TSPEAR: variants seen among roughly 807,000 people sequenced by gnomAD.
TSPEAR encodes thrombospondin-type laminin G domain and EAR repeat-containing protein.
TSPEAR carries 69 observed loss-of-function variants against 71.6 expected under a neutral mutation model. The ratio of observed to expected loss-of-function variants is 0.96; its 90% CI spans 0.79 to 1.18. The LOEUF is 1.18. TSPEAR is among the 50% of genes most tolerant of loss of function. The pLI is 0.00. For missense variants in TSPEAR, 971 were observed against 894.9 expected (o/e 1.09, Z -1.09); for synonymous variants, 402 against 387.2 (o/e 1.04, Z -0.45).
At chr21:44,652,097 C>A (rs1388266662) in intron 1 of TSPEAR, among the ~76,000 whole-genome samples, 1 of 151,362 alleles carries the variant, frequency 6.6e-6, no homozygotes, top group African/African-American at 2.4e-5. Context: ...AATTCTCCTG[C>A]CTCAGCCTCC....
At chr21:44,580,213 G>A (rs782055093) in intron 1 of TSPEAR, 11 of 1,614,110 alleles carry the variant, frequency 6.8e-6, no homozygotes, top group Non-Finnish European at 9.3e-6. Flanking sequence ...AGGAGGAAGA[G>A]GCACAGCAAG....
intron 9 of TSPEAR, among the ~76,000 whole-genome samples, chr21:44,513,671 C>T (rs587686096): frequency 3.3e-5 from 5 of 152,298 alleles, no homozygotes; most frequent in Middle Eastern, 3.4e-3. Context: ...GGTGGGCACC[C>T]GGTAATCAGT....
intron 1 of TSPEAR, chr21:44,702,353 T>G: frequency 7.3e-7 from 1 of 1,376,422 alleles, no homozygotes; most frequent in Non-Finnish European, 9.6e-7. Context: ...GTGAGCTGTG[T>G]GTCCAGCCCC....
chr21:44,601,249 C>T, intron 1 of TSPEAR: 1 of 1,609,454 alleles, frequency 6.2e-7, no homozygotes, highest in Non-Finnish European at 8.5e-7. Flanking sequence ...CTCGTGCTGC[C>T]AGCAGTCTAG....
At chr21:44,700,978 C>T (rs782240634) in intron 1 of TSPEAR, among the ~76,000 whole-genome samples, 1 of 152,180 alleles carries the variant, frequency 6.6e-6, no homozygotes, top group South Asian at 2.1e-4. Context: ...CAGAAACCAA[C>T]AGAACCCTGG....
intron 1 of TSPEAR, among the ~76,000 whole-genome samples, chr21:44,649,964 G>A (rs1372991843): frequency 6.6e-6 from 1 of 152,210 alleles, no homozygotes; most frequent in Non-Finnish European, 1.5e-5. Flanking sequence ...GCGCATGCCT[G>A]TAATCTCAGC....
At chr21:44,522,169 GC>G in intron 8 of TSPEAR, 57 bp from the exon 9 acceptor site, 2 of 1,545,404 alleles carry the variant, frequency 1.3e-6, no homozygotes, top group Non-Finnish European at 1.8e-6. Flanking sequence ...CCCCATGGCA[GC>G]CCCGACGGAG....
rs1190435532 is a variant in TSPEAR, at chr21:44,710,732, T to C, written c.82+701A>G. On this transcript the variant is annotated intron_variant, in intron 1 of 11. Transcript: ENST00000323084. This position sits in a 1 kb window ranked among gnomAD's most constrained non-coding sequence, Gnocchi z 4.6. ...GTCGTGTTACTTTATTAAATTTTGG[T>C]TTGATAAGTAAAATCCCTCAGTAGA... Among the ~76,000 whole-genome samples, 1 of 152,214 alleles carries C rather than the reference T, an allele frequency of 6.6e-6. No individual in the cohort carries two copies. The highest frequency in any genetic ancestry group is 1.5e-5 in the Non-Finnish European group (1 of 68,036).
At chr21:44,616,819 A>G (rs1367446937) in intron 1 of TSPEAR, among the ~76,000 whole-genome samples, 1 of 152,248 alleles carries the variant, frequency 6.6e-6, no homozygotes, top group Non-Finnish European at 1.5e-5. Context: ...CACAAGCCTC[A>G]GCCTCTGCTC....
rs1251790912 is a variant in TSPEAR, at chr21:44,711,376, C to A, written c.82+57G>T. 4.0e-6 allele frequency: 6 copies of A among 1,485,228 alleles called. No individual in the cohort carries two copies. The highest frequency in any genetic ancestry group is 5.5e-6 in the Non-Finnish European group (6 of 1,091,430). The allele number at this position is 1,485,228 out of a possible 1,614,324, so 92.0% of individuals were successfully genotyped here. On this transcript the variant is annotated intron_variant, in intron 1 of 11. Coordinates refer to ENST00000323084, the MANE Select transcript of TSPEAR (RefSeq NM_144991.3). This position sits in a 1 kb window ranked among gnomAD's most constrained non-coding sequence, Gnocchi z 4.5. ...AGAAAGTGGCATTTGTGACTCGACA[C>A]CCCTCCCAGCTCCCCGGCAAGATAC...
intron 2 of TSPEAR, chr21:44,538,958 C>G: frequency 2.1e-6 from 1 of 466,322 alleles, no homozygotes; most frequent in Non-Finnish European, 3.9e-6. Flanking sequence ...ATGTGTCCCC[C>G]AGGAACACAA....
At chr21:44,657,943 A>G (rs1181405577) in intron 1 of TSPEAR, 3 of 1,594,100 alleles carry the variant, frequency 1.9e-6, no homozygotes, top group Non-Finnish European at 2.6e-6. Flanking sequence ...AGACATCACC[A>G]TCCTCCTCCC....
intron 2 of TSPEAR, among the ~76,000 whole-genome samples, chr21:44,556,160 G>A (rs1555919738): frequency 3.2e-4 from 48 of 152,038 alleles, no homozygotes; most frequent in South Asian, 4.2e-4. Context: ...GGCAGATCGC[G>A]ATGTCAGGAG....
chr21:44,593,390 A>T lies in TSPEAR; in HGVS notation c.83-25385T>A, dbSNP rs925144074. Among the ~76,000 whole-genome samples the T allele has an allele frequency of 1.3e-5, 2 of 152,206 alleles. No homozygotes were observed. Among genetic ancestry groups the T allele is most frequent in the African/African-American group, 4.8e-5 (2 of 41,454 alleles). On this transcript the variant is annotated intron_variant, in intron 1 of 11. Transcript: ENST00000323084. This position sits in a 1 kb window ranked among gnomAD's most constrained non-coding sequence, Gnocchi z 5.9. ...CTCTTAGTGTCACCACCTTAAAATT[A>T]AGGGACATCTGTCCAAAGAACCCGC...
At chr21:44,548,810 C>CT (rs1255960499) in intron 2 of TSPEAR, among the ~76,000 whole-genome samples, 1 of 152,146 alleles carries the variant, frequency 6.6e-6, no homozygotes, top group Admixed American at 6.5e-5. Flanking sequence ...CTCAGTATCT[C>CT]TAAGAATTTT....
intron 9 of TSPEAR, among the ~76,000 whole-genome samples, chr21:44,511,248 A>G (rs929120088): frequency 2.4e-4 from 36 of 152,278 alleles, no homozygotes; most frequent in African/African-American, 8.2e-4. Flanking sequence ...ACAGGCCCAT[A>G]CCTGCACACC....
intron 1 of TSPEAR, among the ~76,000 whole-genome samples, chr21:44,599,157 T>TCTCTCTCTCTCTCTCA (rs1980589770): frequency 3.6e-5 from 5 of 138,870 alleles, no homozygotes; most frequent in Non-Finnish European, 3.0e-5. Context: ...TCTCTCTCTC[T>TCTCTCTCTCTCTCTCA]CTCTCTCTCT....
rs2053566991 is a variant in TSPEAR at position 44,558,136 on chromosome 21, A to G, written c.303+9649T>C. ...GTGGGGCGGCAGAGGAGGGACACGC[A>G]GGAGGCCGGGCGGCAGCAGCTGGGC... On this transcript the variant is annotated intron_variant, in intron 2 of 11. Transcript: ENST00000323084. The G allele has an allele frequency of 1.2e-6, 2 of 1,613,014 alleles. No individual in the cohort carries two copies. The highest frequency in any genetic ancestry group is 1.7e-5 in the Admixed American group (1 of 59,868).
intron 2 of TSPEAR, chr21:44,558,874 T>G: frequency 1.1e-6 from 1 of 920,856 alleles, no homozygotes; most frequent in Non-Finnish European, 1.6e-6. Context: ...CGAGAAGCCT[T>G]CCTCTTCCTT....
Sources: allele counts gnomAD v4.1 joint callset (sites outside exome capture counted in the v4.1 genomes callset), GRCh38; gene constraint gnomAD v4.1.1; non-coding constraint Gnocchi (gnomAD v3.1); transcripts MANE v1.5; gene names NCBI Gene and HGNC (gene_info 2026-07-23, HGNC 2026-07-21).